The following PRL variants were observed in gnomAD, a reference collection of about 807,000 sequenced individuals.
PRL encodes prolactin, also known as decidual prolactin.
In PRL, 24 loss-of-function variants were observed where a neutral mutation model predicts 21.3. That is an observed-to-expected ratio of 1.13 (90% CI 0.82 to 1.59). The LOEUF (loss-of-function observed/expected upper bound fraction) is 1.59. Ranked by LOEUF, PRL falls within the 40% of genes most tolerant of loss-of-function variation. The probability of loss-of-function intolerance (pLI) is 0.00; values close to 1 mark genes in which losing one functional copy is unlikely to be tolerated. For synonymous variants in PRL, 118 were observed against 115.7 expected (o/e 1.02, Z -0.13); for missense variants, 243 against 286.9 (o/e 0.85, Z 1.10).
At chr6:22,290,727 C>T (rs1761034124) in intron 3 of PRL, among the ~76,000 whole-genome samples, 2 of 152,120 alleles carry the variant, frequency 1.3e-5, no homozygotes, top group Non-Finnish European at 2.9e-5. Context: ...CAGTAGGTGC[C>T]CAGAGTATCT....
At position 22,292,614 on chromosome 6, in the gene PRL, A is replaced by G; in HGVS notation, c.236T>C (p.Ile79Thr). Residue 79 changes from isoleucine (I) to threonine (T), a missense_variant, in exon 3 of 5, where the codon ATT becomes ACT. Transcript: ENST00000306482. ...GTGGCAGCTGTTGATGGCCTTGGTA[A>G]TGAACCCCCGGCCATGGGTATACCG... Reference protein sequence around the residue: ...DKRYTHGRGFITKAINSCHTS... With the variant: ...DKRYTHGRGFTTKAINSCHTS... 1 of 1,614,106 alleles carries G rather than the reference A, an allele frequency of 6.2e-7. No homozygotes were observed. Among genetic ancestry groups the G allele is most frequent in the Non-Finnish European group, 8.5e-7 (1 of 1,180,016 alleles).
upstream of PRL, among the ~76,000 whole-genome samples, chr6:22,297,994 A>G (rs1369088510): frequency 6.6e-6 from 1 of 152,130 alleles, no homozygotes; most frequent in African/African-American, 2.4e-5. Flanking sequence ...CTTCTAAGAC[A>G]AACAAGCTAT....
chr6:22,292,889 T>C (rs1176771706), intron 2 of PRL, among the ~76,000 whole-genome samples: 3 of 152,224 alleles, frequency 2.0e-5, no homozygotes, highest in Admixed American at 2.0e-4. Flanking sequence ...TGCAATTCCC[T>C]TGTTGTTTAC....
chr6:22,292,624 G>C lies in PRL; in HGVS notation c.226C>G (p.Arg76Gly). The change falls in exon 3 of 5, where the codon CGG becomes GGG. Residue 76 changes from arginine to glycine, a missense_variant. Coordinates refer to ENST00000306482, the MANE Select transcript of PRL (RefSeq NM_000948.6). ...TTGATGGCCTTGGTAATGAACCCCC[G>C]GCCATGGGTATACCGTTTATCCTGG... ...SEFDKRYTHG[R>G]GFITKAINSC... The C allele has an allele frequency of 6.2e-7, 1 of 1,613,848 alleles. No individual in the cohort carries two copies. The highest frequency in any genetic ancestry group is 1.3e-5 in the African/African-American group (1 of 74,974).
chr6:22,298,538 AT>A (rs995649501), upstream of PRL, among the ~76,000 whole-genome samples: 1 of 152,194 alleles, frequency 6.6e-6, no homozygotes, highest in African/African-American at 2.4e-5. Flanking sequence ...GGACCTAGAA[AT>A]CTTAACAAAG....
At chr6:22,298,037 T>A (rs918671910), upstream of PRL, among the ~76,000 whole-genome samples, 5 of 152,186 alleles carry the variant, frequency 3.3e-5, no homozygotes, top group Non-Finnish European at 7.4e-5. Context: ...TTTGGGGAAG[T>A]GATGCAGTAG....
intron 1 of PRL, among the ~76,000 whole-genome samples, chr6:22,302,670 T>C (rs1761303675): frequency 6.6e-6 from 1 of 152,170 alleles, no homozygotes; most frequent in Admixed American, 6.5e-5. Flanking sequence ...TTAAGGTTGA[T>C]AAAAAGTGGA....
chr6:22,295,941 T>A (rs1761164025), intron 1 of PRL, among the ~76,000 whole-genome samples: 1 of 152,244 alleles, frequency 6.6e-6, no homozygotes. Flanking sequence ...AATCTGTTAG[T>A]TGTAAAATAA....
chr6:22,301,226 A>G (rs764508064), upstream of PRL, among the ~76,000 whole-genome samples: 3 of 152,142 alleles, frequency 2.0e-5, no homozygotes, highest in Non-Finnish European at 4.4e-5. Flanking sequence ...CTTATCTATT[A>G]CCTATCTGTT....
chr6:22,300,527 T>A (rs777912587), upstream of PRL, among the ~76,000 whole-genome samples: 1 of 152,258 alleles, frequency 6.6e-6, no homozygotes, highest in Non-Finnish European at 1.5e-5. Flanking sequence ...TGGAGCTCTC[T>A]AAACCATTAC....
upstream of PRL, among the ~76,000 whole-genome samples, chr6:22,300,241 A>G (rs1761258324): frequency 2.0e-5 from 3 of 152,366 alleles, no homozygotes; most frequent in South Asian, 2.1e-4. Context: ...AACTTCATAC[A>G]TATTGTTGAA....
At position 22,287,558 on chromosome 6, in the gene PRL, A is replaced by G. The variant is rs750141918; in HGVS notation, c.528T>C (p.Pro176=). 3.8e-5 allele frequency: 61 copies of G among 1,611,416 alleles called. No individual in the cohort carries two copies. Among genetic ancestry groups the G allele is most frequent in the Non-Finnish European group, 5.1e-5 (60 of 1,178,830 alleles). The change falls in exon 5 of 5, where the codon CCT becomes CCC. Residue 176 remains proline, a synonymous_variant. Transcript: ENST00000306482. ...GCAGGGATGGAAGTCCCGACCAGAC[A>G]GGGTAGATCTCATTTTCTTTGGTTT... The part of the protein sequence containing the change: ...HPETKENEIY[P]VWSGLPSLQM...
At chr6:22,294,654 C>G (rs921957941) in intron 1 of PRL, 70 bp from the exon 2 acceptor site, 32 of 1,452,640 alleles carry the variant, frequency 2.2e-5, no homozygotes, top group African/African-American at 2.9e-5. Context: ...GTAATCCTGC[C>G]GAGGAAAGCC....
intron 2 of PRL, 139 bp from the exon 3 acceptor site, chr6:22,292,784 T>C (rs981379244): frequency 2.4e-5 from 16 of 671,698 alleles, no homozygotes; most frequent in Admixed American, 6.8e-5. Flanking sequence ...AACTAAAGAA[T>C]TAAGAAAGTA....
chr6:22,288,903 C>T lies in PRL; in HGVS notation c.492+1271G>A, dbSNP rs76400958. Reference sequence around the variant, plus strand: ...GCGTGCGCGTGTGTGTGCGTGTGTGCGCGCGCGTGTGTGTGCGTGCGCGTG... The same window carrying T: ...GCGTGCGCGTGTGTGTGCGTGTGTGTGCGCGCGTGTGTGTGCGTGCGCGTG... On this transcript the variant is annotated intron_variant, in intron 4 of 4. Coordinates refer to ENST00000306482, the MANE Select transcript of PRL (RefSeq NM_000948.6). This position sits in a 1 kb window ranked among gnomAD's most constrained non-coding sequence, Gnocchi z 4.5. Among the ~76,000 whole-genome samples, 33,699 of 148,506 alleles carry T rather than the reference C, an allele frequency of 0.23. 3,978 individuals carry two copies. Among genetic ancestry groups the T allele is most frequent in the Non-Finnish European group, 0.26 (17,418 of 67,426 alleles).
At chr6:22,302,316 A>G (rs1761296436), upstream of PRL, among the ~76,000 whole-genome samples, 1 of 101,928 alleles carries the variant, frequency 9.8e-6, no homozygotes, top group South Asian at 3.5e-4. Flanking sequence ...ATTCCATTTA[A>G]CAGAAAATAG....
At chr6:22,292,670 T>C in intron 2 of PRL, 25 bp from the exon 3 acceptor site, 1 of 1,588,300 alleles carries the variant, frequency 6.3e-7, no homozygotes, top group African/African-American at 1.3e-5. Context: ...ACAAATTCAA[T>C]TAGTTGGGGT....
rs1760962536 is a variant in PRL at position 22,288,123 on chromosome 6, C to T, written c.493-530G>A. 6.6e-6 allele frequency among the ~76,000 whole-genome samples: 1 copy of T among 152,092 alleles called. No homozygotes were observed. Among genetic ancestry groups the T allele is most frequent in the Admixed American group, 6.5e-5 (1 of 15,270 alleles). On this transcript the variant is annotated intron_variant, in intron 4 of 4. Coordinates refer to ENST00000306482, the MANE Select transcript of PRL (RefSeq NM_000948.6). This position sits in a 1 kb window ranked among gnomAD's most constrained non-coding sequence, Gnocchi z 4.5. ...GGGGTACAGATAATTTAGTGATGAC[C>T]ATGACTAAGAAAAGCTGCTTACATA... is the stretch of plus-strand genomic sequence containing the variant.
At chr6:22,294,675 C>G (rs1370404984) in intron 1 of PRL, 91 bp from the exon 2 acceptor site, 1 of 1,377,322 alleles carries the variant, frequency 7.3e-7, no homozygotes, top group African/African-American at 1.5e-5. Context: ...TTATTGCTCC[C>G]CACTGCCCTC....
Sources: gnomAD v4.1 joint callset for allele counts (sites outside exome capture counted in the v4.1 genomes callset) on GRCh38, gnomAD v4.1.1 for gene constraint, Gnocchi (gnomAD v3.1) non-coding constraint, MANE v1.5 for transcripts, NCBI Gene and HGNC (gene_info 2026-07-23, HGNC 2026-07-21) for gene names.